The following LRRFIP1 variants were observed in gnomAD, a reference collection of about 807,000 sequenced individuals.
The protein encoded by LRRFIP1 is LRR binding FLII interacting protein 1.
LRRFIP1 carries 62 observed loss-of-function variants against 104.4 expected under a neutral mutation model. That is an observed-to-expected ratio of 0.59 (90% CI 0.48 to 0.73). The LOEUF is 0.73. LRRFIP1 is among the 30% of genes least tolerant of loss of function. LRRFIP1 has a pLI of 0.00. For missense variants in LRRFIP1, 796 were observed against 824.5 expected, an observed-to-expected ratio of 0.97 and a Z score of 0.42; for synonymous variants, 300 against 299.0, an observed-to-expected ratio of 1.00 and a Z score of -0.03.
intron 8 of LRRFIP1, among the ~76,000 whole-genome samples, chr2:237,731,063 G>T (rs956300167): frequency 2.6e-5 from 4 of 152,232 alleles, no homozygotes; most frequent in African/African-American, 9.6e-5. Context: ...GAACCCAGGA[G>T]AGGTGCCATG....
At chr2:237,778,947 A>G (rs1473503291) in intron 23 of LRRFIP1, among the ~76,000 whole-genome samples, 3 of 142,752 alleles carry the variant, frequency 2.1e-5, no homozygotes, top group East Asian at 2.1e-4. Flanking sequence ...AAAGAGGCCG[A>G]GCGTGGTGGC....
chr2:237,646,245 A>T (rs1330858030), intron 1 of LRRFIP1, among the ~76,000 whole-genome samples: 1 of 151,740 alleles, frequency 6.6e-6, no homozygotes, highest in East Asian at 1.9e-4. Context: ...TATGTATTAC[A>T]TTTTTTTCTT....
At chr2:237,658,574 G>T (rs879660926) in intron 1 of LRRFIP1, among the ~76,000 whole-genome samples, 1 of 152,216 alleles carries the variant, frequency 6.6e-6, no homozygotes, top group Non-Finnish European at 1.5e-5. Context: ...AAGGAAAGAG[G>T]TTTAATTGAC....
rs73099024 is a variant in LRRFIP1 at position 237,703,257 on chromosome 2, C to T, written c.97-5287C>T. On this transcript the variant is annotated intron_variant, in intron 1 of 23. Coordinates refer to ENST00000308482, the MANE Select transcript of LRRFIP1 (RefSeq NM_001137550.2). The surrounding 1 kb of genome is among the most constrained non-coding windows in gnomAD (Gnocchi z 4.3). ...TGCAGTTTTTGCTTTGTATCCTAAACTCCACAGGCCCGAACCCTGGCACTG... is the reference window on the plus strand; with the variant it reads ...TGCAGTTTTTGCTTTGTATCCTAAATTCCACAGGCCCGAACCCTGGCACTG... 0.02 allele frequency among the ~76,000 whole-genome samples: 3,002 copies of T among 152,240 alleles called. 91 individuals carry two copies. The highest frequency in any genetic ancestry group is 0.069 in the African/African-American group (2,872 of 41,522).
intron 4 of LRRFIP1, among the ~76,000 whole-genome samples, chr2:237,718,747 C>T (rs1055787954): frequency 6.6e-6 from 1 of 152,180 alleles, no homozygotes; most frequent in Non-Finnish European, 1.5e-5. Flanking sequence ...TATTTCCTAA[C>T]ATCTTACGTA....
intron 4 of LRRFIP1, among the ~76,000 whole-genome samples, chr2:237,718,924 A>C (rs1214720020): frequency 1.3e-5 from 2 of 152,238 alleles, no homozygotes; most frequent in Non-Finnish European, 2.9e-5. Flanking sequence ...GTGATATAAG[A>C]AAGAGAAAAA....
chr2:237,692,201 C>A (rs937183097), intron 1 of LRRFIP1: 6 of 1,061,426 alleles, frequency 5.7e-6, no homozygotes, highest in Non-Finnish European at 6.8e-6. Flanking sequence ...CCCGCTTCCC[C>A]GGCGCCCTTC....
chr2:237,774,114 C>G lies in LRRFIP1; in HGVS notation c.1708-244C>G, dbSNP rs112536163. 7.7e-4 allele frequency: 361 copies of G among 471,878 alleles called. 1 individual carries two copies. Among genetic ancestry groups the G allele is most frequent in the African/African-American group, 6.0e-3 (308 of 51,430 alleles). 29.2% of individuals were successfully genotyped at this position (471,878 alleles called of 1,614,324 possible). A position where few individuals can be genotyped will look rare whatever the true frequency, so the allele number is the denominator to read the frequency against. On this transcript the variant is annotated intron_variant, in intron 22 of 23. Coordinates refer to ENST00000308482, the MANE Select transcript of LRRFIP1 (RefSeq NM_001137550.2). ...CAGCAAGGTGCCAGCACTGCAGAAA[C>G]CACCCTGGTGGACGGGGTCAGAGGA...
chr2:237,769,620 A>G (rs1576410878), intron 19 of LRRFIP1: 1 of 308,954 alleles, frequency 3.2e-6, no homozygotes, highest in Non-Finnish European at 6.2e-6. Flanking sequence ...ATGTTAAACC[A>G]TGAAGCCTGT....
intron 1 of LRRFIP1, among the ~76,000 whole-genome samples, chr2:237,636,470 C>T (rs1158452175): frequency 7.0e-6 from 1 of 143,838 alleles, no homozygotes; most frequent in Non-Finnish European, 1.5e-5. Flanking sequence ...TTTTATTGTT[C>T]TTTATCTCTA....
At chr2:237,746,913 G>A (rs1347187483) in intron 11 of LRRFIP1, among the ~76,000 whole-genome samples, 2 of 152,246 alleles carry the variant, frequency 1.3e-5, no homozygotes, top group South Asian at 2.1e-4. Flanking sequence ...AGCAAAGAGG[G>A]GAGAGAGGCC....
intron 1 of LRRFIP1, among the ~76,000 whole-genome samples, chr2:237,656,059 C>G (rs2086762800): frequency 6.6e-6 from 1 of 152,084 alleles, no homozygotes; most frequent in South Asian, 2.1e-4. Context: ...CTTCTGGAAA[C>G]TATAATTGGG....
intron 1 of LRRFIP1, among the ~76,000 whole-genome samples, chr2:237,633,081 G>A (rs758160950): frequency 2.6e-5 from 4 of 152,170 alleles, no homozygotes; most frequent in African/African-American, 7.2e-5. Context: ...GGTGAGGGGC[G>A]TTCAGTGCCC....
intron 1 of LRRFIP1, among the ~76,000 whole-genome samples, chr2:237,686,827 C>T (rs1438591646): frequency 1.3e-5 from 2 of 152,270 alleles, no homozygotes; most frequent in Middle Eastern, 3.2e-3. Flanking sequence ...TGGGGTACCA[C>T]CTTCTTTGCA....
At chr2:237,676,782 C>A (rs1575393880) in intron 1 of LRRFIP1, among the ~76,000 whole-genome samples, 1 of 152,296 alleles carries the variant, frequency 6.6e-6, no homozygotes, top group East Asian at 1.9e-4. Flanking sequence ...GGATTACAGG[C>A]GTGAGCCACA....
chr2:237,759,201 A>T (rs532984117), intron 18 of LRRFIP1, among the ~76,000 whole-genome samples: 1 of 152,160 alleles, frequency 6.6e-6, no homozygotes, highest in Non-Finnish European at 1.5e-5. Flanking sequence ...TGACTTGGGT[A>T]AGTGGTTTGG....
chr2:237,671,782 CTG>C (rs1465728071), intron 1 of LRRFIP1, among the ~76,000 whole-genome samples: 1 of 151,116 alleles, frequency 6.6e-6, no homozygotes, highest in Admixed American at 6.6e-5. Context: ...GTGTGCATGC[CTG>C]TGTGTGTGCA....
chr2:237,760,286 C>T, intron 19 of LRRFIP1, 81 bp downstream of exon 19: 1 of 1,471,034 alleles, frequency 6.8e-7, no homozygotes, highest in South Asian at 1.2e-5. Context: ...GGGGTTGGAG[C>T]CACCGTCGCT....
At chr2:237,665,428 G>T (rs13404477) in intron 1 of LRRFIP1, among the ~76,000 whole-genome samples, 3,169 of 152,198 alleles carry the variant, frequency 0.021, 114 homozygotes, top group African/African-American at 0.072. Context: ...AGAAAGTCAG[G>T]GTTGGAATCC....
Sources: allele counts gnomAD v4.1 joint callset (sites outside exome capture counted in the v4.1 genomes callset), GRCh38; gene constraint gnomAD v4.1.1; non-coding constraint Gnocchi (gnomAD v3.1); transcripts MANE v1.5; gene names NCBI Gene and HGNC (gene_info 2026-07-23, HGNC 2026-07-21).